The following TYR variants were observed in gnomAD, a reference collection of about 807,000 sequenced individuals.
TYR encodes tyrosinase.
Under a neutral mutation model 51.5 loss-of-function variants are expected in TYR, and 58 were observed. The observed-to-expected ratio is 1.13, with a 90% CI of 0.91 to 1.40. TYR has a LOEUF of 1.40. Among genes scored for constraint, TYR ranks in the 40% most tolerant of loss-of-function variants. TYR has a pLI of 0.00. For missense variants in TYR, 732 were observed against 647.4 expected (o/e 1.13, Z -1.42); for synonymous variants, 263 against 235.2 (o/e 1.12, Z -1.08).
intron 2 of TYR, among the ~76,000 whole-genome samples, chr11:89,209,634 C>T (rs76984420): frequency 0.025 from 3,843 of 152,206 alleles, 177 homozygotes; most frequent in African/African-American, 0.088. Context: ...GTTCGAGCTC[C>T]GATAATGGAC....
chr11:89,254,297 G>C, intron 3 of TYR, among the ~76,000 whole-genome samples: 1 of 151,516 alleles, frequency 6.6e-6, no homozygotes, highest in Middle Eastern at 3.4e-3. Flanking sequence ...TGTTGTTATT[G>C]TTATGTTCTT....
chr11:89,269,271 A>G (rs963787055), intron 3 of TYR, among the ~76,000 whole-genome samples: 2 of 151,820 alleles, frequency 1.3e-5, no homozygotes, highest in African/African-American at 4.8e-5. Context: ...TTAATAGCAG[A>G]CCTCCCATTT....
chr11:89,213,174 A>G (rs964653813), intron 2 of TYR, among the ~76,000 whole-genome samples: 1 of 152,202 alleles, frequency 6.6e-6, no homozygotes, highest in Admixed American at 6.5e-5. Context: ...ATATGATTGT[A>G]TATTTAGAAA....
chr11:89,191,927 A>G lies in TYR; in HGVS notation c.1036+509A>G, dbSNP rs145786833. 6.6e-5 allele frequency: 25 copies of G among 375,952 alleles called. 1 individual carries two copies. The East Asian group carries it at 1.8e-3, about 27-fold the overall frequency. The allele number at this position is 375,952 out of a possible 1,614,324, so 23.3% of individuals were successfully genotyped here. A position where few individuals can be genotyped will look rare whatever the true frequency, so the allele number is the denominator to read the frequency against. ...TAATTTCATTTCCAGAACATTTTGTATTGTGGAATTTCAGATATAAGTCTG... is the reference window on the plus strand; with the variant it reads ...TAATTTCATTTCCAGAACATTTTGTGTTGTGGAATTTCAGATATAAGTCTG... On this transcript the variant is annotated intron_variant, in intron 2 of 4. Coordinates refer to ENST00000263321, the MANE Select transcript of TYR (RefSeq NM_000372.5).
At chr11:89,267,235 T>G (rs1944536372) in intron 3 of TYR, among the ~76,000 whole-genome samples, 1 of 151,996 alleles carries the variant, frequency 6.6e-6, no homozygotes, top group African/African-American at 2.4e-5. Flanking sequence ...AAAGTGTGCC[T>G]GTACTACATA....
chr11:89,212,718 C>T (rs915015340), intron 2 of TYR, among the ~76,000 whole-genome samples: 2 of 152,146 alleles, frequency 1.3e-5, no homozygotes, highest in African/African-American at 4.8e-5. Context: ...AGTCCAACAG[C>T]ACATCAAAAA....
intron 3 of TYR, among the ~76,000 whole-genome samples, chr11:89,230,560 C>T (rs756305981): frequency 2.0e-5 from 3 of 151,792 alleles, no homozygotes; most frequent in Middle Eastern, 3.2e-3. Flanking sequence ...AATCTCCAAG[C>T]GACCAAGAAA....
intron 3 of TYR, among the ~76,000 whole-genome samples, chr11:89,275,192 C>G (rs1374868334): frequency 1.3e-5 from 2 of 151,918 alleles, no homozygotes; most frequent in Admixed American, 1.3e-4. Context: ...CTTACATACT[C>G]TGAGAGATTT....
chr11:89,200,035 T>C (rs1234200851), intron 2 of TYR, among the ~76,000 whole-genome samples: 1 of 152,208 alleles, frequency 6.6e-6, no homozygotes. Flanking sequence ...CAATACATAT[T>C]GCAAATAAAA....
chr11:89,228,363 G>A (rs1367382682), intron 3 of TYR, among the ~76,000 whole-genome samples: 2 of 152,116 alleles, frequency 1.3e-5, no homozygotes, highest in African/African-American at 4.8e-5. Context: ...ATGCCCTGAG[G>A]TAGGGGATGT....
At chr11:89,252,822 C>T (rs894948148) in intron 3 of TYR, among the ~76,000 whole-genome samples, 4 of 151,488 alleles carry the variant, frequency 2.6e-5, no homozygotes, top group African/African-American at 9.7e-5. Flanking sequence ...TTTCATGCTT[C>T]AACATGAAAA....
intron 1 of TYR, among the ~76,000 whole-genome samples, chr11:89,182,902 G>C (rs1169822811): frequency 6.6e-6 from 1 of 152,070 alleles, no homozygotes; most frequent in African/African-American, 2.4e-5. Context: ...ATACACATGA[G>C]TGAATTGTGA....
At position 89,208,928 on chromosome 11, in the gene TYR, G is replaced by C. The variant is rs555222104; in HGVS notation, c.1036+17510G>C. Among the ~76,000 whole-genome samples, 24 of 152,308 alleles carry C rather than the reference G, an allele frequency of 1.6e-4. 1 individual carries two copies. Among genetic ancestry groups the C allele is most frequent in the African/African-American group, 5.8e-4 (24 of 41,576 alleles). On this transcript the variant is annotated intron_variant, in intron 2 of 4. Coordinates refer to ENST00000263321, the MANE Select transcript of TYR (RefSeq NM_000372.5). ...AGTAAGAACAAAGGTAAGACCTTTTGCTCAACTTTCAGTTGAGTTTAAATC... is the reference window on the plus strand; with the variant it reads ...AGTAAGAACAAAGGTAAGACCTTTTCCTCAACTTTCAGTTGAGTTTAAATC...
chr11:89,261,155 C>T (rs1944452161), intron 3 of TYR, among the ~76,000 whole-genome samples: 1 of 151,986 alleles, frequency 6.6e-6, no homozygotes, highest in South Asian at 2.1e-4. Context: ...AATGGAAGAA[C>T]TGAGGAACAA....
At chr11:89,178,886 G>A (rs1250564609) in intron 1 of TYR, 114 bp downstream of exon 1, 8 of 1,033,640 alleles carry the variant, frequency 7.7e-6, no homozygotes, top group Non-Finnish European at 1.2e-5. Flanking sequence ...ATCAAGGACA[G>A]AAATGGTGCC....
At chr11:89,276,803 T>G (rs1184743685) in intron 3 of TYR, among the ~76,000 whole-genome samples, 1 of 151,808 alleles carries the variant, frequency 6.6e-6, no homozygotes, top group African/African-American at 2.4e-5. Context: ...GAAACACCCC[T>G]GTCATCCTGT....
At chr11:89,183,054 T>C (rs1288933116) in intron 1 of TYR, among the ~76,000 whole-genome samples, 1 of 152,100 alleles carries the variant, frequency 6.6e-6, no homozygotes, top group Non-Finnish European at 1.5e-5. Context: ...TTTTTCTTTA[T>C]GAAAAAGATT....
chr11:89,213,530 C>A (rs780695630), intron 2 of TYR, among the ~76,000 whole-genome samples: 2 of 152,004 alleles, frequency 1.3e-5, no homozygotes, highest in Non-Finnish European at 2.9e-5. Context: ...ATTTACAGAT[C>A]CAATGCTATC....
At chr11:89,288,288 T>A (rs1158270439) in intron 4 of TYR, among the ~76,000 whole-genome samples, 1 of 152,000 alleles carries the variant, frequency 6.6e-6, no homozygotes, top group Non-Finnish European at 1.5e-5. Context: ...CTCAGAAAGA[T>A]AAAGTGATTA....
Sources: allele counts gnomAD v4.1 joint callset (sites outside exome capture counted in the v4.1 genomes callset), GRCh38; gene constraint gnomAD v4.1.1; transcripts MANE v1.5; gene names NCBI Gene and HGNC (gene_info 2026-07-23, HGNC 2026-07-21).